MAP7: variants seen among roughly 807,000 people sequenced by gnomAD.
MAP7 encodes the protein microtubule associated protein 7.
In MAP7, 52 loss-of-function variants were observed where a neutral mutation model predicts 94.8. The observed-to-expected ratio is 0.55, with a 90% CI of 0.44 to 0.69. The LOEUF (loss-of-function observed/expected upper bound fraction) is 0.69, where lower values mean the gene tolerates loss of function less well. Ranked by LOEUF, MAP7 falls within the 30% of genes least tolerant of loss-of-function variation. The pLI, the probability that MAP7 is intolerant of heterozygous loss-of-function variation, is 0.00. For missense variants in MAP7, 940 were observed against 964.6 expected, an observed-to-expected ratio of 0.97 and a Z score of 0.34; for synonymous variants, 350 against 357.0, an observed-to-expected ratio of 0.98 and a Z score of 0.22.
At chr6:136,469,741 A>C (rs183156299) in intron 1 of MAP7, among the ~76,000 whole-genome samples, 1 of 152,364 alleles carries the variant, frequency 6.6e-6, no homozygotes, top group Non-Finnish European at 1.5e-5. Flanking sequence ...GGATACTGGC[A>C]GATGGATAAA....
At chr6:136,361,242 C>G in intron 11 of MAP7, 63 bp from the exon 12 acceptor site, 1 of 1,563,182 alleles carries the variant, frequency 6.4e-7, no homozygotes, top group Non-Finnish European at 8.7e-7. Flanking sequence ...TGAAGAGAGG[C>G]CTCCGTCGGT....
chr6:136,403,263 A>G (rs1195082766), intron 3 of MAP7, among the ~76,000 whole-genome samples: 1 of 152,322 alleles, frequency 6.6e-6, no homozygotes, highest in East Asian at 1.9e-4. Context: ...CCTCATCTTT[A>G]TCACCGTCAT....
At chr6:136,480,476 A>C (rs1812398775) in intron 1 of MAP7, among the ~76,000 whole-genome samples, 1 of 151,980 alleles carries the variant, frequency 6.6e-6, no homozygotes, top group Non-Finnish European at 1.5e-5. Context: ...CCCCATCTCT[A>C]CTAAAAATAC....
intron 6 of MAP7, among the ~76,000 whole-genome samples, chr6:136,381,877 T>TACACAAACACAC (rs1390424443): frequency 2.2e-5 from 2 of 92,956 alleles, no homozygotes; most frequent in African/African-American, 9.5e-5. Flanking sequence ...CTTCTAACCT[T>TACACAAACACAC]ACACACACAC....
At position 136,443,693 on chromosome 6, in the gene MAP7, G is replaced by A. The variant is rs973040111; in HGVS notation, c.68-21894C>T. Among the ~76,000 whole-genome samples, 7 of 151,744 alleles carry A rather than the reference G, an allele frequency of 4.6e-5. No homozygotes were observed. In the South Asian group the frequency reaches 6.3e-4, roughly 14 times the overall value. ...TCAAACTCCTGACCTCAAGTGATGC[G>A]CCCACCTTGGCCTCCCAAAGTGCTG... On this transcript the variant is annotated intron_variant, in intron 1 of 17. Coordinates refer to ENST00000354570, the MANE Select transcript of MAP7 (RefSeq NM_003980.6).
At position 136,372,646 on chromosome 6, in the gene MAP7, A is replaced by G; in HGVS notation, c.752-21T>C. On this transcript the variant is annotated intron_variant, in intron 7 of 17. Coordinates refer to ENST00000354570, the MANE Select transcript of MAP7 (RefSeq NM_003980.6). ...AGATGCTGAACGAGGACAAATGGGGATAACTAGGGTGCAGGTGATTGGTTT... is the reference window on the plus strand; with the variant it reads ...AGATGCTGAACGAGGACAAATGGGGGTAACTAGGGTGCAGGTGATTGGTTT... 6 of 1,614,146 alleles carry G rather than the reference A, an allele frequency of 3.7e-6. No individual in the cohort carries two copies. Among genetic ancestry groups the G allele is most frequent in the Non-Finnish European group, 5.1e-6 (6 of 1,179,996 alleles).
rs537662484 is a variant in MAP7 at position 136,463,955 on chromosome 6, G to C, written c.68-42156C>G. 3.3e-5 allele frequency among the ~76,000 whole-genome samples: 5 copies of C among 152,250 alleles called. No individual in the cohort carries two copies. In the East Asian group the frequency reaches 9.6e-4, roughly 29 times the overall value. On this transcript the variant is annotated intron_variant, in intron 1 of 17. Transcript: ENST00000354570. Reference sequence around the variant, plus strand: ...AAATATGCCAACCATAAAACGCCTGGTAAAAGAGCTTGAGTTGGCCATACC... The same window carrying C: ...AAATATGCCAACCATAAAACGCCTGCTAAAAGAGCTTGAGTTGGCCATACC...
chr6:136,411,514 T>C, intron 3 of MAP7, 106 bp downstream of exon 3: 2 of 895,842 alleles, frequency 2.2e-6, no homozygotes, highest in Non-Finnish European at 3.5e-6. Context: ...ACATACTAAA[T>C]TCTGCCTCAT....
rs114265379 is a variant in MAP7, at chr6:136,358,131, G to T, written c.1913-1337C>A. ...TAACTCAAATCAAATTTACATGAGT[G>T]TTGATAAACACAGCTATGCCAAACA... On this transcript the variant is annotated intron_variant, in intron 15 of 17. Coordinates refer to ENST00000354570, the MANE Select transcript of MAP7 (RefSeq NM_003980.6). 3.7e-3 allele frequency among the ~76,000 whole-genome samples: 571 copies of T among 152,280 alleles called. 7 individuals are homozygous for T. The highest frequency in any genetic ancestry group is 0.013 in the African/African-American group (545 of 41,552).
intron 2 of MAP7, among the ~76,000 whole-genome samples, chr6:136,414,277 A>C (rs7766162): frequency 7.0e-6 from 1 of 143,854 alleles, no homozygotes; most frequent in African/African-American, 2.6e-5. Context: ...AAAAAAAAAA[A>C]AAAAAAATTG....
chr6:136,438,273 T>G (rs111567850), intron 1 of MAP7, among the ~76,000 whole-genome samples: 138 of 152,294 alleles, frequency 9.1e-4, no homozygotes, highest in African/African-American at 3.2e-3. Context: ...ACATCTAATT[T>G]CTATAGACAC....
chr6:136,372,830 T>C (rs576234186), intron 7 of MAP7, among the ~76,000 whole-genome samples: 2 of 152,202 alleles, frequency 1.3e-5, no homozygotes, highest in African/African-American at 4.8e-5. Flanking sequence ...TATGAATTTA[T>C]GATGAGTCCA....
At chr6:136,431,384 T>C (rs78117883) in intron 1 of MAP7, among the ~76,000 whole-genome samples, 4,711 of 152,312 alleles carry the variant, frequency 0.031, 166 homozygotes, top group African/African-American at 0.084. Flanking sequence ...TGGGAAATAC[T>C]TGATGTAACA....
chr6:136,427,252 G>A (rs1793450730), intron 1 of MAP7, among the ~76,000 whole-genome samples: 1 of 152,228 alleles, frequency 6.6e-6, no homozygotes, highest in Non-Finnish European at 1.5e-5. Context: ...ACTCCTGGGA[G>A]GATGAGCAGC....
rs563950619 is a variant in MAP7, at chr6:136,420,247, G to A, written c.166+1454C>T. 12 of 988,544 alleles carry A rather than the reference G, an allele frequency of 1.2e-5. 1 individual carries two copies. The highest frequency in any genetic ancestry group is 4.7e-5 in the East Asian group (2 of 42,352). 61.2% of individuals were successfully genotyped at this position (988,544 alleles called of 1,614,324 possible). ...AGGAACATAGAAATCTGACAGGGCC[G>A]CGCCAGGTAAAACATCGCAGAAGAG... is the stretch of plus-strand genomic sequence containing the variant. On this transcript the variant is annotated intron_variant, in intron 2 of 17. Transcript: ENST00000354570.
intron 17 of MAP7, 75 bp downstream of exon 17, chr6:136,345,780 AG>A: frequency 8.9e-7 from 1 of 1,127,488 alleles, no homozygotes; most frequent in East Asian, 2.3e-5. Flanking sequence ...ATCATACTGT[AG>A]AAGGCAGCAG....
intron 1 of MAP7, among the ~76,000 whole-genome samples, chr6:136,522,642 G>A (rs932162704): frequency 5.9e-5 from 9 of 152,172 alleles, no homozygotes; most frequent in African/African-American, 2.2e-4. Flanking sequence ...CATGGGGTAG[G>A]AAAAGAAAAG....
chr6:136,452,772 C>T (rs953640917), intron 1 of MAP7, among the ~76,000 whole-genome samples: 1 of 152,082 alleles, frequency 6.6e-6, no homozygotes, highest in Non-Finnish European at 1.5e-5. Flanking sequence ...AGGCTGGTCT[C>T]GAACTGCTGA....
chr6:136,407,124 T>G (rs550234789), intron 3 of MAP7, among the ~76,000 whole-genome samples: 1 of 152,232 alleles, frequency 6.6e-6, no homozygotes, highest in Admixed American at 6.5e-5. Context: ...ATAAATACTG[T>G]TTATCATTAT....
Sources: gnomAD v4.1 joint callset for allele counts (sites outside exome capture counted in the v4.1 genomes callset) on GRCh38, gnomAD v4.1.1 for gene constraint, MANE v1.5 for transcripts, NCBI Gene and HGNC (gene_info 2026-07-23, HGNC 2026-07-21) for gene names.